ADGRB3: variants seen among roughly 807,000 people sequenced by gnomAD.
The protein encoded by ADGRB3 is adhesion G protein-coupled receptor B3, also known as brain-specific angiogenesis inhibitor 3.
A neutral mutation model predicts 193.4 loss-of-function variants in ADGRB3; 37 were observed. That is an observed-to-expected ratio of 0.19 (90% CI 0.15 to 0.25). The LOEUF is 0.25. Ranked by LOEUF, ADGRB3 falls within the 10% of genes least tolerant of loss-of-function variation. The pLI, the probability that ADGRB3 is intolerant of heterozygous loss-of-function variation, is 1.00. For missense variants in ADGRB3, 1,637 were observed against 1,852.9 expected, an observed-to-expected ratio of 0.88 and a Z score of 2.14; for synonymous variants, 690 against 644.2, an observed-to-expected ratio of 1.07 and a Z score of -1.08.
chr6:69,230,809 C>T (rs1302599583), intron 17 of ADGRB3, among the ~76,000 whole-genome samples: 2 of 152,226 alleles, frequency 1.3e-5, no homozygotes, highest in East Asian at 3.8e-4. Flanking sequence ...AGATTCTGCT[C>T]TTCTTGTAGC....
At chr6:68,727,499 T>C (rs531209736) in intron 3 of ADGRB3, among the ~76,000 whole-genome samples, 2 of 151,658 alleles carry the variant, frequency 1.3e-5, no homozygotes, top group East Asian at 3.9e-4. Flanking sequence ...CCAAATTATG[T>C]CAATACTGTT....
chr6:69,038,877 A>G (rs946507907), intron 13 of ADGRB3, among the ~76,000 whole-genome samples: 2 of 152,174 alleles, frequency 1.3e-5, no homozygotes, highest in Non-Finnish European at 2.9e-5. Flanking sequence ...CCTGGTTTCA[A>G]TTACCCACTA....
intron 3 of ADGRB3, among the ~76,000 whole-genome samples, chr6:68,692,731 T>A (rs772207376): frequency 8.0e-4 from 122 of 151,588 alleles, no homozygotes; most frequent in Admixed American, 1.9e-3. Flanking sequence ...TTGTACAAGT[T>A]ATTTATATAA....
chr6:68,855,438 A>T (rs1156626420), intron 3 of ADGRB3, among the ~76,000 whole-genome samples: 1 of 151,954 alleles, frequency 6.6e-6, no homozygotes, highest in East Asian at 1.9e-4. Flanking sequence ...ATTTAATTTA[A>T]TGTAATCATG....
chr6:69,236,537 A>C (rs1766271727), intron 19 of ADGRB3, among the ~76,000 whole-genome samples: 1 of 152,178 alleles, frequency 6.6e-6, no homozygotes, highest in Non-Finnish European at 1.5e-5. Context: ...CTCTACCACA[A>C]TTGTTTAAAT....
At chr6:69,192,682 G>A (rs915110325) in intron 17 of ADGRB3, among the ~76,000 whole-genome samples, 6 of 152,076 alleles carry the variant, frequency 3.9e-5, no homozygotes, top group Admixed American at 1.3e-4. Context: ...ATCAGTTTTT[G>A]TGTGTATAGT....
chr6:68,659,050 A>G (rs1234608869), intron 3 of ADGRB3, among the ~76,000 whole-genome samples: 1 of 151,090 alleles, frequency 6.6e-6, no homozygotes, highest in African/African-American at 2.4e-5. Context: ...CTTTAAAATA[A>G]TTTTCATAAG....
At chr6:68,708,389 C>A (rs1359847667) in intron 3 of ADGRB3, among the ~76,000 whole-genome samples, 2 of 152,062 alleles carry the variant, frequency 1.3e-5, no homozygotes, top group Non-Finnish European at 2.9e-5. Context: ...GGTCCTGGAC[C>A]CTGTGCCTCC....
chr6:68,961,171 A>T (rs1400884177), intron 8 of ADGRB3, among the ~76,000 whole-genome samples: 1 of 152,166 alleles, frequency 6.6e-6, no homozygotes, highest in African/African-American at 2.4e-5. Context: ...TCATTTAAAG[A>T]AAAATAGGAC....
intron 3 of ADGRB3, among the ~76,000 whole-genome samples, chr6:68,786,576 T>G (rs1255603143): frequency 3.9e-5 from 6 of 152,004 alleles, no homozygotes; most frequent in African/African-American, 7.2e-5. Context: ...ATAGTTTGAA[T>G]TCAGGTAGCA....
At chr6:68,642,728 CT>C (rs11351150) in intron 3 of ADGRB3, among the ~76,000 whole-genome samples, 54,222 of 143,756 alleles carry the variant, frequency 0.38, 10,765 homozygotes, top group East Asian at 0.64. Context: ...AAAATGAAGC[CT>C]TTTTTTTTTT....
At chr6:69,106,613 A>G (rs759146495) in intron 17 of ADGRB3, among the ~76,000 whole-genome samples, 8 of 152,252 alleles carry the variant, frequency 5.3e-5, no homozygotes, top group East Asian at 1.9e-4. Flanking sequence ...GGAGAATTCA[A>G]TGAATCCAGC....
intron 17 of ADGRB3, among the ~76,000 whole-genome samples, chr6:69,096,406 C>T (rs1379416777): frequency 2.2e-5 from 3 of 137,154 alleles, no homozygotes. Flanking sequence ...GCATCATCTT[C>T]TATATGCATC....
At chr6:68,710,016 C>T (rs927792096) in intron 3 of ADGRB3, among the ~76,000 whole-genome samples, 2 of 152,102 alleles carry the variant, frequency 1.3e-5, no homozygotes, top group African/African-American at 2.4e-5. Flanking sequence ...CATGTTAACA[C>T]ATATTGAGCA....
intron 13 of ADGRB3, among the ~76,000 whole-genome samples, chr6:69,035,048 A>G (rs949801746): frequency 4.6e-5 from 7 of 152,210 alleles, no homozygotes; most frequent in African/African-American, 1.7e-4. Context: ...TGTTAATTTT[A>G]TTAGTCATCA....
At chr6:68,680,553 C>G (rs952158194) in intron 3 of ADGRB3, among the ~76,000 whole-genome samples, 2 of 152,054 alleles carry the variant, frequency 1.3e-5, no homozygotes, top group Non-Finnish European at 2.9e-5. Flanking sequence ...GCTCTTCAAC[C>G]CCTTTAATCC....
intron 17 of ADGRB3, among the ~76,000 whole-genome samples, chr6:69,124,648 A>G (rs998978812): frequency 6.6e-6 from 1 of 152,214 alleles, no homozygotes; most frequent in Admixed American, 6.5e-5. Context: ...GATCTTTTGA[A>G]TTTCTAAAAA....
chr6:68,927,924 G>A (rs1338325071), intron 3 of ADGRB3, among the ~76,000 whole-genome samples: 1 of 152,010 alleles, frequency 6.6e-6, no homozygotes, highest in African/African-American at 2.4e-5. Context: ...TAATAAGTTT[G>A]TAATCAAGTT....
chr6:69,230,920 T>C (rs1766121065), intron 17 of ADGRB3, among the ~76,000 whole-genome samples: 1 of 152,162 alleles, frequency 6.6e-6, no homozygotes, highest in African/African-American at 2.4e-5. Flanking sequence ...TTTAATCAGA[T>C]AAAGTCAGTG....
Sources: allele counts gnomAD v4.1 joint callset (sites outside exome capture counted in the v4.1 genomes callset), GRCh38; gene constraint gnomAD v4.1.1; transcripts MANE v1.5; gene names NCBI Gene and HGNC (gene_info 2026-07-23, HGNC 2026-07-21).